MCM3AP: variants seen among roughly 807,000 people sequenced by gnomAD.
The protein encoded by MCM3AP is minichromosome maintenance complex component 3 associated protein, also known as germinal-center associated nuclear protein.
MCM3AP carries 126 observed loss-of-function variants against 184.1 expected under a neutral mutation model. That is an observed-to-expected ratio of 0.68 (90% CI 0.59 to 0.79). MCM3AP has a LOEUF of 0.79. Ranked by LOEUF, MCM3AP falls within the 30% of genes least tolerant of loss-of-function variation. The pLI is 0.00. For missense variants in MCM3AP, 2,496 were observed against 2,479.2 expected (o/e 1.01, Z -0.14); for synonymous variants, 1,002 against 979.3 (o/e 1.02, Z -0.43).
Position 46,280,040 on chromosome 21 carries a change from A to G in MCM3AP, c.1620T>C (p.Leu540=). The G allele has an allele frequency of 6.2e-7, 1 of 1,614,156 alleles. No individual in the cohort carries two copies. The highest frequency in any genetic ancestry group is 8.5e-7 in the Non-Finnish European group (1 of 1,180,008). Residue 540 remains leucine, a synonymous_variant, in exon 4 of 28, where the codon CTT becomes CTC. Coordinates refer to ENST00000291688, the MANE Select transcript of MCM3AP (RefSeq NM_003906.5). The part of the protein sequence containing the change: ...TEDAPFQHSP[L]GKAAGRTGAS... ...CACCAGTCCTCCCTGCGGCCTTGCCAAGAGGAGAGTGCTGAAAGGGTGCAT... is the reference window on the plus strand; with the variant it reads ...CACCAGTCCTCCCTGCGGCCTTGCCGAGAGGAGAGTGCTGAAAGGGTGCAT...
At chr21:46,277,821 T>C (rs1185425010) in intron 4 of MCM3AP, 104 bp from the exon 5 acceptor site, 20 of 609,612 alleles carry the variant, frequency 3.3e-5, no homozygotes, top group African/African-American at 5.7e-5. Flanking sequence ...TCTGGTCCTC[T>C]AAAGCTGAGA....
At chr21:46,278,180 T>C (rs1388096454) in intron 4 of MCM3AP, among the ~76,000 whole-genome samples, 2 of 149,396 alleles carry the variant, frequency 1.3e-5, no homozygotes, top group Non-Finnish European at 3.0e-5. Context: ...AAAAAAAAGA[T>C]AGGCTCATTT....
At chr21:46,244,532 T>C (rs1363638003) in intron 23 of MCM3AP, 1 of 496,808 alleles carries the variant, frequency 2.0e-6, no homozygotes, top group Non-Finnish European at 3.6e-6. Context: ...CAGTACCACT[T>C]GTCACTTTTC....
rs1217981749 is a variant in MCM3AP at position 46,270,526 on chromosome 21, A to C, written c.2503T>G (p.Ser835Ala). 1 of 1,613,502 alleles carries C rather than the reference A, an allele frequency of 6.2e-7. No individual in the cohort carries two copies. The highest frequency in any genetic ancestry group is 1.3e-5 in the African/African-American group (1 of 74,934). The part of the protein sequence containing the change: ...QQFHPAVRNS[S>A]EVKFAVQAFA... ...GCCTGAACAGCAAATTTCACCTCAGATGAGTTTCTAACAGCAGGATGGAAC... is the reference window on the plus strand; with the variant it reads ...GCCTGAACAGCAAATTTCACCTCAGCTGAGTTTCTAACAGCAGGATGGAAC... Residue 835 changes from serine (S) to alanine (A), a missense_variant, in exon 9 of 28, where the codon TCT becomes GCT. By Grantham distance (99) the Ser-to-Ala change is moderately conservative (BLOSUM62 1). This residue lies in a region of MCM3AP where 138 missense variants were observed against 191.9 expected (regional missense o/e 0.72). Coordinates refer to ENST00000291688, the MANE Select transcript of MCM3AP (RefSeq NM_003906.5).
chr21:46,272,996 T>C (rs975902929), intron 7 of MCM3AP, among the ~76,000 whole-genome samples, 167 bp from the exon 8 acceptor site: 3 of 149,970 alleles, frequency 2.0e-5, no homozygotes, highest in Admixed American at 2.0e-4. Flanking sequence ...TCCTGGGGTT[T>C]GTTTTTTTTT....
intron 15 of MCM3AP, chr21:46,259,372 C>T (rs749215109): frequency 1.3e-5 from 3 of 236,568 alleles, no homozygotes; most frequent in African/African-American, 2.3e-5. Context: ...AGGAGAATGA[C>T]GTGAAGCCGG....
At chr21:46,277,119 C>A (rs1300019474) in intron 5 of MCM3AP, among the ~76,000 whole-genome samples, 3 of 151,918 alleles carry the variant, frequency 2.0e-5, no homozygotes, top group African/African-American at 7.3e-5. Context: ...ATTTTTGGTC[C>A]CTGCATATAT....
Position 46,246,374 on chromosome 21 carries a change from T to A in MCM3AP, c.4580A>T (p.Lys1527Met), listed in dbSNP as rs781392701. The A allele has an allele frequency of 1.5e-5, 24 of 1,612,822 alleles. No homozygotes were observed. In the Middle Eastern group the frequency reaches 6.6e-4, roughly 44 times the overall value. Residue 1527 changes from lysine to methionine, a missense_variant, in exon 22 of 28, where the codon AAG becomes ATG. Physicochemically the swap from Lys to Met is moderately conservative, Grantham distance 95. This residue lies in a region of MCM3AP where 1,323 missense variants were observed against 1,273.4 expected (regional missense o/e 1.04). Coordinates refer to ENST00000291688, the MANE Select transcript of MCM3AP (RefSeq NM_003906.5). Reference protein sequence around the residue: ...GLMLQDLVSAKLISDYTVTEI... With the variant: ...GLMLQDLVSAMLISDYTVTEI... ...GGTAACAGTGTAATCTGAAATCAGC[T>A]TAGCTGAAACCAAGTCCTGTAGCAT...
rs367931027 is a variant in MCM3AP at position 46,267,071 on chromosome 21, G to A, written c.2700C>T (p.Pro900=). Residue 900 remains proline (P), a synonymous_variant, in exon 10 of 28, where the codon CCC becomes CCT. Transcript: ENST00000291688. The part of the protein sequence containing the change: ...TVSTQRSTIF[P]LDGVVRMLLF... ...GCAGCATGCGCACCACACCATCCAG[G>A]GGAAAGATGGTAGATCGCTGTGTGC... 1.9e-6 allele frequency: 3 copies of A among 1,613,908 alleles called. No homozygotes were observed. The African/African-American group carries it at 4.0e-5, about 22-fold the overall frequency.
chr21:46,263,434 C>A (rs1244519229), intron 13 of MCM3AP, among the ~76,000 whole-genome samples: 1 of 151,906 alleles, frequency 6.6e-6, no homozygotes, highest in Non-Finnish European at 1.5e-5. Context: ...TAAGAATGAC[C>A]TAAATAAATG....
intron 27 of MCM3AP, among the ~76,000 whole-genome samples, chr21:46,235,690 C>T (rs536391100): frequency 2.5e-4 from 38 of 152,276 alleles, no homozygotes; most frequent in African/African-American, 7.9e-4. Flanking sequence ...CAGGCTGGAA[C>T]GCAGTGGTAT....
intron 5 of MCM3AP, among the ~76,000 whole-genome samples, chr21:46,277,305 T>C (rs1388509982): frequency 1.3e-5 from 2 of 152,152 alleles, no homozygotes; most frequent in Non-Finnish European, 2.9e-5. Context: ...CCCACTACTA[T>C]TTTATACATA....
chr21:46,283,494 T>TAAA (rs751730847), intron 2 of MCM3AP, 121 bp downstream of exon 2: 15 of 651,538 alleles, frequency 2.3e-5, no homozygotes, highest in African/African-American at 3.7e-5. Context: ...GCTAATAAGA[T>TAAA]ATTTGAGTAC....
Position 46,284,647 on chromosome 21 carries a change from T to C in MCM3AP, c.640A>G (p.Ser214Gly), listed in dbSNP as rs1304746638. The change falls in exon 1 of 28, where the codon AGT becomes GGT. Residue 214 changes from serine to glycine, a missense_variant. Physicochemically the swap from Ser to Gly is moderately conservative, Grantham distance 56. Transcript: ENST00000291688. ...AAGGCAGATAATGAATTATTACTACTAACAGGTTTTGAAAAGGTAAAATTT... is the reference window on the plus strand; with the variant it reads ...AAGGCAGATAATGAATTATTACTACCAACAGGTTTTGAAAAGGTAAAATTT... Reference protein sequence around the residue: ...TSNFTFSKPVSSNNSLSAFTP... With the variant: ...TSNFTFSKPVGSNNSLSAFTP... 3 of 1,614,058 alleles carry C rather than the reference T, an allele frequency of 1.9e-6. No individual in the cohort carries two copies. The highest frequency in any genetic ancestry group is 2.5e-6 in the Non-Finnish European group (3 of 1,180,032).
At chr21:46,250,998 CTAT>C (rs2123850186) in intron 20 of MCM3AP, 1 of 152,368 alleles carries the variant, frequency 6.6e-6, no homozygotes, top group South Asian at 2.1e-4. Context: ...GGAGGAGCTA[CTAT>C]GTCTCATTTT....
chr21:46,274,705 G>A (rs1485670184), intron 6 of MCM3AP, among the ~76,000 whole-genome samples: 1 of 152,058 alleles, frequency 6.6e-6, no homozygotes, highest in Non-Finnish European at 1.5e-5. Flanking sequence ...GGAGGCGGAG[G>A]TGGGCAGATG....
At position 46,283,810 on chromosome 21, in the gene MCM3AP, C is replaced by G. The variant is rs756920802; in HGVS notation, c.1248G>C (p.Gln416His). ...TGTCTGTGCTCTCGCTTCTGTTACT[C>G]TGACGCGCCGGAGTTCCTCTTAGAG... ...EDSLRGTPAR[Q>H]SNRSESTDSL... Residue 416 changes from glutamine to histidine, a missense_variant, in exon 2 of 28, where the codon CAG becomes CAC. Gln to His is a conservative substitution (Grantham distance 24, BLOSUM62 0). Transcript: ENST00000291688. The G allele has an allele frequency of 1.9e-6, 3 of 1,613,742 alleles. No homozygotes were observed. In the African/African-American group the frequency reaches 4.0e-5, roughly 22 times the overall value.
chr21:46,272,600 T>G lies in MCM3AP; in HGVS notation c.2426A>C (p.Tyr809Ser). The change falls in exon 8 of 28, where the codon TAC (tyrosine) becomes TCC (serine). Residue 809 changes from tyrosine to serine, a missense_variant. Transcript: ENST00000291688. ...FCASEAEFQG[Y>S]NVLLSLNKGD... The stretch of plus-strand genomic sequence containing the variant: ...CTTGTTGAGACTGAGCAGAACATTG[T>G]AGCCCTGGAACTCCGCTTCGCTGGC... 1 of 1,614,222 alleles carries G rather than the reference T, an allele frequency of 6.2e-7. No individual in the cohort carries two copies. Among genetic ancestry groups the G allele is most frequent in the Non-Finnish European group, 8.5e-7 (1 of 1,180,036 alleles).
chr21:46,267,274 C>A (rs2081125579), intron 9 of MCM3AP, 132 bp from the exon 10 acceptor site: 2 of 796,900 alleles, frequency 2.5e-6, no homozygotes, highest in African/African-American at 3.5e-5. Context: ...CCAGAAGGCG[C>A]TTTGGCAACA....
Sources: allele counts gnomAD v4.1 joint callset (sites outside exome capture counted in the v4.1 genomes callset), GRCh38; gene constraint gnomAD v4.1.1; regional missense constraint gnomAD v4.1.1; transcripts MANE v1.5; gene names NCBI Gene and HGNC (gene_info 2026-07-23, HGNC 2026-07-21).